Variants in SORCS3 observed in about 807,000 individuals in gnomAD.
SORCS3 encodes the protein sortilin related VPS10 domain containing receptor 3.
A neutral mutation model predicts 146.3 loss-of-function variants in SORCS3; 57 were observed. That is an observed-to-expected ratio of 0.39 (90% CI 0.31 to 0.49). SORCS3 has a LOEUF of 0.49. SORCS3 is among the 20% of genes least tolerant of loss of function. The pLI, the probability that SORCS3 is intolerant of heterozygous loss-of-function variation, is 0.92. For missense variants in SORCS3, 1,341 were observed against 1,575.5 expected (o/e 0.85, Z 2.52); for synonymous variants, 653 against 618.5 (o/e 1.06, Z -0.83).
At chr10:105,000,757 G>A (rs2055056314) in intron 4 of SORCS3, among the ~76,000 whole-genome samples, 1 of 152,066 alleles carries the variant, frequency 6.6e-6, no homozygotes, top group African/African-American at 2.4e-5. Context: ...CATATTGGAG[G>A]GCACCATATC....
intron 1 of SORCS3, among the ~76,000 whole-genome samples, chr10:104,708,182 T>A (rs940600785): frequency 1.3e-5 from 2 of 152,196 alleles, no homozygotes; most frequent in Non-Finnish European, 2.9e-5. Context: ...CCCATTATTA[T>A]CCCCTTCTTG....
intron 4 of SORCS3, among the ~76,000 whole-genome samples, chr10:105,036,198 A>T (rs1229529996): frequency 1.3e-5 from 2 of 152,038 alleles, no homozygotes; most frequent in Admixed American, 1.3e-4. Flanking sequence ...TTGGGGAAGG[A>T]CATATCCTTC....
intron 1 of SORCS3, among the ~76,000 whole-genome samples, chr10:104,752,919 A>T (rs1366778401): frequency 6.8e-6 from 1 of 146,042 alleles, no homozygotes; most frequent in Non-Finnish European, 1.5e-5. Flanking sequence ...GTTGGAATTC[A>T]TGGGGCTTTT....
intron 8 of SORCS3, among the ~76,000 whole-genome samples, chr10:105,139,918 A>G (rs1219295390): frequency 1.3e-5 from 2 of 152,198 alleles, no homozygotes; most frequent in East Asian, 3.9e-4. Flanking sequence ...CTAAATAAAA[A>G]TGTATTGCCT....
At chr10:104,723,737 C>G (rs1345514351) in intron 1 of SORCS3, among the ~76,000 whole-genome samples, 1 of 152,066 alleles carries the variant, frequency 6.6e-6, no homozygotes, top group South Asian at 2.1e-4. Flanking sequence ...GTGTAATGAC[C>G]TTTGTCTCTT....
At chr10:104,763,045 C>T (rs2017140361) in intron 1 of SORCS3, among the ~76,000 whole-genome samples, 1 of 152,132 alleles carries the variant, frequency 6.6e-6, no homozygotes, top group Non-Finnish European at 1.5e-5. Flanking sequence ...GAAGTGAGAA[C>T]TGCTGCCTTA....
In SORCS3 at chr10:104,839,219, A is replaced by G. The variant is rs554916505; in HGVS notation, c.628-3573A>G. Among the ~76,000 whole-genome samples the G allele has an allele frequency of 8.5e-5, 13 of 152,354 alleles. No homozygotes were observed. In the South Asian group the frequency reaches 2.1e-3, roughly 24 times the overall value. ...TAGACTTTAGTTGAGAAGGCCACTC[A>G]TGTAACGTTCAGAAACTATCAATAT... On this transcript the variant is annotated intron_variant, in intron 1 of 26. Transcript: ENST00000369701.
chr10:105,119,085 G>A (rs190658433), intron 7 of SORCS3, among the ~76,000 whole-genome samples: 1 of 152,274 alleles, frequency 6.6e-6, no homozygotes, highest in East Asian at 1.9e-4. Context: ...GTTTTCATGG[G>A]CTGGGCCTAG....
At chr10:105,192,590 G>A (rs951187156) in intron 14 of SORCS3, among the ~76,000 whole-genome samples, 10 of 152,092 alleles carry the variant, frequency 6.6e-5, no homozygotes, top group African/African-American at 1.7e-4. Context: ...AAAGAAGGAC[G>A]TCCCAGTTGT....
intron 16 of SORCS3, among the ~76,000 whole-genome samples, chr10:105,205,753 T>G (rs2056598708): frequency 6.6e-6 from 1 of 152,176 alleles, no homozygotes; most frequent in African/African-American, 2.4e-5. Flanking sequence ...GCCCCTACTA[T>G]GTAAGCAGAT....
intron 5 of SORCS3, among the ~76,000 whole-genome samples, chr10:105,084,733 C>T (rs1203278555): frequency 1.4e-5 from 2 of 143,082 alleles, no homozygotes; most frequent in African/African-American, 5.1e-5. Context: ...GCTGCTTCTT[C>T]TTTTTTTTTT....
chr10:105,104,757 T>C (rs2055809543), intron 6 of SORCS3, among the ~76,000 whole-genome samples: 2 of 152,242 alleles, frequency 1.3e-5, no homozygotes, highest in South Asian at 4.1e-4. Flanking sequence ...ACAAGCCTAA[T>C]TGGATCATAC....
At chr10:104,699,853 T>A (rs553747876) in intron 1 of SORCS3, among the ~76,000 whole-genome samples, 6 of 152,324 alleles carry the variant, frequency 3.9e-5, no homozygotes, top group Admixed American at 1.3e-4. Context: ...AAAAGATGGA[T>A]GATTTGCTGT....
intron 1 of SORCS3, among the ~76,000 whole-genome samples, chr10:104,755,631 G>A (rs2133472262): frequency 6.6e-6 from 1 of 152,262 alleles, no homozygotes; most frequent in Non-Finnish European, 1.5e-5. Context: ...ATTTACATAG[G>A]AGTGAGGACA....
At chr10:105,242,645 T>C (rs1298765124) in intron 20 of SORCS3, among the ~76,000 whole-genome samples, 6 of 95,284 alleles carry the variant, frequency 6.3e-5, no homozygotes, top group African/African-American at 1.6e-4. Context: ...CATTTATATA[T>C]ATATTTATAT....
At chr10:104,735,433 G>A (rs905700528) in intron 1 of SORCS3, among the ~76,000 whole-genome samples, 1 of 108,178 alleles carries the variant, frequency 9.2e-6, no homozygotes, top group Non-Finnish European at 1.9e-5. Flanking sequence ...CAGAGCTGCG[G>A]TATTCATGAG....
At chr10:104,813,628 T>C (rs1034670728) in intron 1 of SORCS3, among the ~76,000 whole-genome samples, 1 of 152,148 alleles carries the variant, frequency 6.6e-6, no homozygotes, top group Non-Finnish European at 1.5e-5. Context: ...TTGGGTCTAA[T>C]GGCCTGTCCC....
At chr10:105,012,167 G>A (rs1379130710) in intron 4 of SORCS3, among the ~76,000 whole-genome samples, 1 of 152,110 alleles carries the variant, frequency 6.6e-6, no homozygotes, top group Non-Finnish European at 1.5e-5. Flanking sequence ...GCGCATAGAA[G>A]GGATGAAGCA....
At chr10:105,148,138 G>A (rs191199798) in intron 9 of SORCS3, among the ~76,000 whole-genome samples, 164 of 152,184 alleles carry the variant, frequency 1.1e-3, no homozygotes, top group Non-Finnish European at 2.1e-3. Flanking sequence ...TGTAAACTCT[G>A]TGTTGCTTTT....
Sources: allele counts gnomAD v4.1 joint callset (sites outside exome capture counted in the v4.1 genomes callset), GRCh38; gene constraint gnomAD v4.1.1; transcripts MANE v1.5; gene names NCBI Gene and HGNC (gene_info 2026-07-23, HGNC 2026-07-21).